Variants in PPP1R12A observed in about 807,000 individuals in gnomAD.
The protein encoded by PPP1R12A is myosin binding subunit.
Under a neutral mutation model 139.6 loss-of-function variants are expected in PPP1R12A, and 19 were observed. The ratio of observed to expected loss-of-function variants is 0.14; its 90% CI spans 0.09 to 0.20. The LOEUF (loss-of-function observed/expected upper bound fraction) is 0.20. Ranked by LOEUF, PPP1R12A falls within the 10% of genes least tolerant of loss-of-function variation. PPP1R12A has a pLI of 1.00. For synonymous variants in PPP1R12A, 427 were observed against 420.6 expected (o/e 1.02, Z -0.19); for missense variants, 925 against 1,211.5 (o/e 0.76, Z 3.51).
At chr12:79,864,163 T>C (rs1030199847) in intron 2 of PPP1R12A, among the ~76,000 whole-genome samples, 1 of 152,018 alleles carries the variant, frequency 6.6e-6, no homozygotes, top group African/African-American at 2.4e-5. Flanking sequence ...TGCAATCAAA[T>C]TAGAACTCAG....
At chr12:79,901,076 A>G (rs1885594829) in intron 1 of PPP1R12A, among the ~76,000 whole-genome samples, 1 of 152,216 alleles carries the variant, frequency 6.6e-6, no homozygotes, top group Admixed American at 6.5e-5. Flanking sequence ...AAGTAAATAA[A>G]CAATTACAGA....
At chr12:79,809,652 A>G in intron 10 of PPP1R12A, 143 bp downstream of exon 10, 2 of 639,230 alleles carry the variant, frequency 3.1e-6, no homozygotes, top group Non-Finnish European at 5.3e-6. Flanking sequence ...TGTATAAATT[A>G]CATTTGTCTT....
chr12:79,829,187 C>T (rs1465377332), intron 4 of PPP1R12A, among the ~76,000 whole-genome samples: 1 of 152,130 alleles, frequency 6.6e-6, no homozygotes, highest in Non-Finnish European at 1.5e-5. Flanking sequence ...TTTATTTAGA[C>T]ATTAAGCTCA....
intron 14 of PPP1R12A, among the ~76,000 whole-genome samples, chr12:79,804,301 C>T (rs1206211039): frequency 6.6e-6 from 1 of 151,990 alleles, no homozygotes; most frequent in Non-Finnish European, 1.5e-5. Flanking sequence ...CTAAAACTGA[C>T]TTAAGTTTAT....
At chr12:79,909,556 G>A (rs562938916) in intron 1 of PPP1R12A, among the ~76,000 whole-genome samples, 1 of 152,076 alleles carries the variant, frequency 6.6e-6, no homozygotes, top group South Asian at 2.1e-4. Flanking sequence ...CCAACACAGT[G>A]AAACCCCGTC....
chr12:79,926,739 T>C (rs1592846452), intron 1 of PPP1R12A, among the ~76,000 whole-genome samples: 1 of 24,222 alleles, frequency 4.1e-5, no homozygotes. Flanking sequence ...AAAAGGAGAT[T>C]TAAAGAAAAA....
intron 2 of PPP1R12A, among the ~76,000 whole-genome samples, chr12:79,855,058 C>G (rs1007884740): frequency 6.6e-6 from 1 of 151,950 alleles, no homozygotes; most frequent in Non-Finnish European, 1.5e-5. Context: ...GCGCTATCTC[C>G]GCTCACTGTA....
At chr12:79,830,371 G>C (rs1456273480) in intron 4 of PPP1R12A, among the ~76,000 whole-genome samples, 10 of 151,976 alleles carry the variant, frequency 6.6e-5, no homozygotes, top group Non-Finnish European at 1.5e-5. Context: ...TCTCATTCTT[G>C]TTTTGTTTCA....
At chr12:79,807,757 T>C (rs953191462) in intron 11 of PPP1R12A, among the ~76,000 whole-genome samples, 2 of 151,998 alleles carry the variant, frequency 1.3e-5, no homozygotes, top group African/African-American at 4.8e-5. Context: ...AAAAAGTTAT[T>C]GGCCGGGTGC....
chr12:79,852,483 A>AC, intron 2 of PPP1R12A, among the ~76,000 whole-genome samples: 1 of 152,084 alleles, frequency 6.6e-6, no homozygotes, highest in African/African-American at 2.4e-5. Flanking sequence ...GTCTTGAGTC[A>AC]CCACACTCAG....
At chr12:79,925,026 A>G (rs1887724850) in intron 1 of PPP1R12A, among the ~76,000 whole-genome samples, 1 of 152,202 alleles carries the variant, frequency 6.6e-6, no homozygotes, top group African/African-American at 2.4e-5. Context: ...TCTTCGAATG[A>G]TATCATTTTC....
intron 9 of PPP1R12A, 147 bp from the exon 10 acceptor site, chr12:79,810,157 G>T: frequency 1.5e-6 from 1 of 677,216 alleles, no homozygotes; most frequent in Non-Finnish European, 2.4e-6. Flanking sequence ...ATAGGTTAAT[G>T]TCTTAGTAAA....
chr12:79,847,963 CCTCT>C (rs1388858697), intron 2 of PPP1R12A, among the ~76,000 whole-genome samples: 2 of 152,058 alleles, frequency 1.3e-5, no homozygotes, highest in Non-Finnish European at 2.9e-5. Flanking sequence ...ACACACCCTC[CCTCT>C]AACAGTGGGT....
chr12:79,887,321 T>TTA (rs35987513), intron 1 of PPP1R12A, among the ~76,000 whole-genome samples: 15,548 of 152,060 alleles, frequency 0.1, 2,132 homozygotes, highest in African/African-American at 0.32. Flanking sequence ...CCTGGCTAGA[T>TTA]TATAGTTCCT....
intron 2 of PPP1R12A, among the ~76,000 whole-genome samples, chr12:79,869,216 T>G (rs1169955556): frequency 1.3e-5 from 2 of 152,228 alleles, no homozygotes; most frequent in Non-Finnish European, 2.9e-5. Context: ...CATCTACCTA[T>G]TCACTTGGCT....
At chr12:79,812,637 T>C (rs1056487664) in intron 9 of PPP1R12A, among the ~76,000 whole-genome samples, 2 of 152,062 alleles carry the variant, frequency 1.3e-5, no homozygotes, top group African/African-American at 2.4e-5. Flanking sequence ...GTCTCCTAAA[T>C]TTCCAGTCCT....
At chr12:79,785,871 G>C (rs898748781) in intron 22 of PPP1R12A, among the ~76,000 whole-genome samples, 1 of 152,150 alleles carries the variant, frequency 6.6e-6, no homozygotes, top group Non-Finnish European at 1.5e-5. Flanking sequence ...GTACAAGGTT[G>C]TGAGTTTTGC....
chr12:79,842,574 T>TG (rs1878858183), intron 3 of PPP1R12A, among the ~76,000 whole-genome samples: 4 of 130,306 alleles, frequency 3.1e-5, no homozygotes, highest in African/African-American at 1.5e-4. Flanking sequence ...CATGTGGCAC[T>TG]TTGTGTGTGT....
rs1474914013 is a variant in PPP1R12A, at chr12:79,776,029, A to C, written c.3007-14T>G. ...GTCTGGTAACATCTATAAAGAGAAA[A>C]ATTGAAGATCAAGTTTTACCTTCAA... On this transcript the variant is annotated splice_polypyrimidine_tract_variant and intron_variant, in intron 24 of 24. Transcript: ENST00000450142. The C allele has an allele frequency of 6.6e-7, 1 of 1,504,440 alleles. No individual in the cohort carries two copies. The highest frequency in any genetic ancestry group is 1.3e-5 in the South Asian group (1 of 78,752). 93.2% of individuals were successfully genotyped at this position (1,504,440 alleles called of 1,614,324 possible).
Sources: allele counts gnomAD v4.1 joint callset (sites outside exome capture counted in the v4.1 genomes callset), GRCh38; gene constraint gnomAD v4.1.1; transcripts MANE v1.5; gene names NCBI Gene and HGNC (gene_info 2026-07-23, HGNC 2026-07-21).